Variants in BLTP2 observed in about 807,000 individuals in gnomAD.
The protein encoded by BLTP2 is bridge-like lipid transfer protein family member 2.
chr17:28,624,612 C>A, the BLTP2 span, among the ~76,000 whole-genome samples: 4 of 152,118 alleles, frequency 2.6e-5, no homozygotes, highest in African/African-American at 9.7e-5. Flanking sequence ...TAACAGATTC[C>A]CAACAGAAAC....
chr17:28,614,976 T>G, the BLTP2 span: 1 of 1,281,634 alleles, frequency 7.8e-7, no homozygotes, highest in Non-Finnish European at 1.1e-6. Context: ...CAAATCCTCG[T>G]GGATAACGGG....
At chr17:28,615,052 C>A in the BLTP2 span, 1 of 1,609,462 alleles carries the variant, frequency 6.2e-7, no homozygotes, top group Non-Finnish European at 8.5e-7. Context: ...TGCAGCCACT[C>A]GAATCGCCAA....
chr17:28,644,919 C>T, the BLTP2 span: 2 of 1,403,972 alleles, frequency 1.4e-6, no homozygotes, highest in South Asian at 2.5e-5. Flanking sequence ...CCTCCTCAGT[C>T]TTTCTTCCTC....
At chr17:28,642,845 G>C in the BLTP2 span, 1 of 1,325,590 alleles carries the variant, frequency 7.5e-7, no homozygotes, top group Non-Finnish European at 1.1e-6. Flanking sequence ...AGGACGGCTA[G>C]ATCCTCTGCT....
the BLTP2 span, chr17:28,623,779 C>T: frequency 6.2e-7 from 1 of 1,614,092 alleles, no homozygotes; most frequent in South Asian, 1.1e-5. Flanking sequence ...GAGCTGTCGG[C>T]CATCCTGCTC....
chr17:28,623,643 T>G, the BLTP2 span: 32 of 835,146 alleles, frequency 3.8e-5, no homozygotes, highest in Non-Finnish European at 6.0e-5. Context: ...AAGGTGTTAT[T>G]AGCCTCATTA....
the BLTP2 span, chr17:28,635,226 C>T: frequency 1.2e-6 from 2 of 1,613,996 alleles, no homozygotes; most frequent in Admixed American, 1.7e-5. Flanking sequence ...GCACCTCCAC[C>T]TCCTTGAAGT....
chr17:28,645,077 G>T, the BLTP2 span: 1 of 1,568,746 alleles, frequency 6.4e-7, no homozygotes, highest in Non-Finnish European at 8.6e-7. Flanking sequence ...GTCCGGCCCG[G>T]CTTGGCCCCG....
At chr17:28,626,457 T>G in the BLTP2 span, among the ~76,000 whole-genome samples, 1 of 152,242 alleles carries the variant, frequency 6.6e-6, no homozygotes, top group Non-Finnish European at 1.5e-5. Flanking sequence ...GATGTCTTTT[T>G]GTGTGCTGAG....
the BLTP2 span, chr17:28,616,260 C>T: frequency 6.3e-7 from 1 of 1,598,310 alleles, no homozygotes; most frequent in Non-Finnish European, 8.6e-7. The surrounding 1 kb of genome is among the most constrained non-coding windows in gnomAD (Gnocchi z 4.8). Context: ...GGACCCCAAA[C>T]ATCTCCCTCT....
chr17:28,640,834 G>A, the BLTP2 span: 4 of 670,724 alleles, frequency 6.0e-6, no homozygotes, highest in African/African-American at 1.8e-5. Flanking sequence ...ATGCCCCAGA[G>A]ATCCAGGCAC....
the BLTP2 span, chr17:28,641,777 C>T: frequency 1.0e-6 from 1 of 967,124 alleles, no homozygotes; most frequent in Non-Finnish European, 1.6e-6. Context: ...GGTCAAAGTC[C>T]ATGGTGACTA....
chr17:28,616,000 C>T, the BLTP2 span: 617 of 1,100,626 alleles, frequency 5.6e-4, 4 homozygotes, highest in African/African-American at 7.2e-3. Context: ...CACAGCTCAG[C>T]ATCACAAACA....
chr17:28,640,309 CT>C, the BLTP2 span: 1 of 504,246 alleles, frequency 2.0e-6, no homozygotes, highest in South Asian at 2.1e-5. Context: ...AGGAGAATCG[CT>C]TGAACCTGGG....
At chr17:28,621,530 C>T in the BLTP2 span, 23 of 1,540,148 alleles carry the variant, frequency 1.5e-5, no homozygotes, top group African/African-American at 2.9e-4. Flanking sequence ...ACTTTAGCTC[C>T]TGGGAAAAGA....
At chr17:28,617,485 A>G in the BLTP2 span, 2 of 562,308 alleles carry the variant, frequency 3.6e-6, no homozygotes, top group Non-Finnish European at 6.4e-6. Flanking sequence ...AGTGTGTCTC[A>G]TGGGCACTAT....
At chr17:28,645,089 C>A in the BLTP2 span, 1 of 1,564,574 alleles carries the variant, frequency 6.4e-7, no homozygotes, top group Non-Finnish European at 8.7e-7. Flanking sequence ...TTGGCCCCGG[C>A]CCCCGCCATG....
At chr17:28,635,155 G>A in the BLTP2 span, 1 of 1,613,956 alleles carries the variant, frequency 6.2e-7, no homozygotes, top group African/African-American at 1.3e-5. Flanking sequence ...GTTCCGGAGG[G>A]TCTGCAGCGC....
chr17:28,623,801 T>C, the BLTP2 span: 10 of 1,614,110 alleles, frequency 6.2e-6, no homozygotes, highest in South Asian at 1.1e-4. Context: ...GTGGGGCTGC[T>C]TTCAGTGGTG....
Sources: allele counts gnomAD v4.1 joint callset (sites outside exome capture counted in the v4.1 genomes callset), GRCh38; gene constraint gnomAD v4.1.1; non-coding constraint Gnocchi (gnomAD v3.1); transcripts MANE v1.5; gene names NCBI Gene and HGNC (gene_info 2026-07-23, HGNC 2026-07-21).